NSRP1: variants seen among roughly 807,000 people sequenced by gnomAD.
The protein encoded by NSRP1 is coiled-coil domain containing 55.
NSRP1 carries 24 observed loss-of-function variants against 54.7 expected under a neutral mutation model. That is an observed-to-expected ratio of 0.44 (90% CI 0.32 to 0.62). The LOEUF (loss-of-function observed/expected upper bound fraction) is 0.62. Ranked by LOEUF, NSRP1 falls within the 20% of genes least tolerant of loss-of-function variation. The pLI is 0.06. For missense variants in NSRP1, 596 were observed against 651.2 expected, an observed-to-expected ratio of 0.92 and a Z score of 0.92; for synonymous variants, 210 against 213.8, an observed-to-expected ratio of 0.98 and a Z score of 0.15.
intron 2 of NSRP1, 50 bp downstream of exon 2, chr17:30,118,223 T>A (rs531602823): frequency 2.1e-5 from 30 of 1,450,600 alleles, no homozygotes; most frequent in Non-Finnish European, 2.5e-5. Flanking sequence ...GTAAATTTTT[T>A]AAAAATTGAA....
intron 2 of NSRP1, among the ~76,000 whole-genome samples, chr17:30,134,291 A>G (rs2071728853): frequency 6.6e-6 from 1 of 152,258 alleles, no homozygotes; most frequent in South Asian, 2.1e-4. Flanking sequence ...ATTACAGATC[A>G]TTGTAACATG....
At chr17:30,134,827 C>T (rs1238132202) in intron 2 of NSRP1, among the ~76,000 whole-genome samples, 1 of 152,112 alleles carries the variant, frequency 6.6e-6, no homozygotes, top group Admixed American at 6.5e-5. Flanking sequence ...AGGTTGACTT[C>T]AAAGGGTCAA....
intron 2 of NSRP1, among the ~76,000 whole-genome samples, chr17:30,134,829 A>G (rs2071734278): frequency 6.6e-6 from 1 of 152,210 alleles, no homozygotes; most frequent in Non-Finnish European, 1.5e-5. Context: ...GTTGACTTCA[A>G]AGGGTCAATC....
At chr17:30,167,533 C>T (rs1401397082) in intron 2 of NSRP1, among the ~76,000 whole-genome samples, 7 of 151,850 alleles carry the variant, frequency 4.6e-5, no homozygotes, top group Non-Finnish European at 2.9e-5. Context: ...CTCTTGAACC[C>T]GGGAGGCGGA....
rs187183297 is a variant in NSRP1, at chr17:30,173,350, T to C, written c.171+752T>C. On this transcript the variant is annotated intron_variant, in intron 3 of 6. Coordinates refer to ENST00000247026, the MANE Select transcript of NSRP1 (RefSeq NM_032141.4). The stretch of plus-strand genomic sequence containing the variant: ...GTTCTCACAAACTTGCCCATAGTAC[T>C]GATTAAGAAATCTGAAACTCAAAAA... 1.0e-3 allele frequency among the ~76,000 whole-genome samples: 152 copies of C among 152,344 alleles called. 2 individuals are homozygous for C. The Middle Eastern group carries it at 0.01, about 10-fold the overall frequency.
intron 2 of NSRP1, among the ~76,000 whole-genome samples, chr17:30,171,976 C>CCTCTCTCTCTCTCTCTCTCT (rs58666089): frequency 1.5e-4 from 12 of 80,436 alleles, no homozygotes; most frequent in African/African-American, 3.3e-4. Context: ...ACACACACTC[C>CCTCTCTCTCTCTCTCTCTCT]CTCTCTCTCT....
In NSRP1 at chr17:30,147,654, G is replaced by A. The variant is rs573794170; in HGVS notation, c.115-24888G>A. On this transcript the variant is annotated intron_variant, in intron 2 of 6. Coordinates refer to ENST00000247026, the MANE Select transcript of NSRP1 (RefSeq NM_032141.4). ...AATTTTTTATATTTTTAGTAGAGACGGGGTTTCACCATGTTAGCCATGATG... is the reference window on the plus strand; with the variant it reads ...AATTTTTTATATTTTTAGTAGAGACAGGGTTTCACCATGTTAGCCATGATG... Among the ~76,000 whole-genome samples, 154 of 151,508 alleles carry A rather than the reference G, an allele frequency of 1.0e-3. 2 individuals carry two copies. The Middle Eastern group carries it at 0.01, about 10-fold the overall frequency.
At chr17:30,184,254 G>A (rs1567809026) in intron 6 of NSRP1, among the ~76,000 whole-genome samples, 1 of 152,188 alleles carries the variant, frequency 6.6e-6, no homozygotes, top group Non-Finnish European at 1.5e-5. Context: ...GCTTCATGTT[G>A]TGAAAATAGA....
chr17:30,172,983 A>C (rs1273277244), intron 3 of NSRP1, among the ~76,000 whole-genome samples: 3 of 147,724 alleles, frequency 2.0e-5, no homozygotes, highest in Non-Finnish European at 4.5e-5. Context: ...TTTTTTTTTG[A>C]GATTGAGTCT....
At position 30,123,348 on chromosome 17, in the gene NSRP1, C is replaced by A. The variant is rs370067727; in HGVS notation, c.114+5175C>A. On this transcript the variant is annotated intron_variant, in intron 2 of 6. Coordinates refer to ENST00000247026, the MANE Select transcript of NSRP1 (RefSeq NM_032141.4). ...GGCCAGGCTGGTCTCGAACTCCTGA[C>A]CTTGTGATCTGCCTGCCTCAGCCTT... is the stretch of plus-strand genomic sequence containing the variant. 6.6e-5 allele frequency among the ~76,000 whole-genome samples: 10 copies of A among 152,186 alleles called. No individual in the cohort carries two copies. The East Asian group carries it at 1.5e-3, about 24-fold the overall frequency.
At position 30,116,822 on chromosome 17, in the gene NSRP1, GT is replaced by G; in HGVS notation, c.-20del. On this transcript the variant is annotated 5_prime_UTR_variant, in exon 1 of 7. Coordinates refer to ENST00000247026, the MANE Select transcript of NSRP1 (RefSeq NM_032141.4). The stretch of plus-strand genomic sequence containing the variant: ...TCAGCGTCACGGAGGCGTCGGCCAC[GT>G]TCAGCGGACACGGGAGCAAGATGGC... 6.4e-7 allele frequency: 1 copy of G among 1,570,176 alleles called. No individual in the cohort carries two copies. Among genetic ancestry groups the G allele is most frequent in the Middle Eastern group, 1.7e-4 (1 of 6,022 alleles).
At chr17:30,142,131 G>A (rs776539798) in intron 2 of NSRP1, among the ~76,000 whole-genome samples, 2 of 151,990 alleles carry the variant, frequency 1.3e-5, no homozygotes, top group Admixed American at 6.6e-5. Context: ...TGTGTATCTC[G>A]TCCAACCTTA....
intron 2 of NSRP1, among the ~76,000 whole-genome samples, chr17:30,151,359 C>T (rs1344522343): frequency 2.0e-5 from 3 of 152,138 alleles, no homozygotes; most frequent in African/African-American, 7.2e-5. Flanking sequence ...CAAAACTTAA[C>T]CACCAGTAGC....
intron 2 of NSRP1, among the ~76,000 whole-genome samples, chr17:30,123,764 C>T (rs1183616054): frequency 6.6e-6 from 1 of 151,826 alleles, no homozygotes; most frequent in African/African-American, 2.4e-5. Context: ...GGTTCAACTT[C>T]ATTCATTTGC....
At chr17:30,145,007 G>A (rs1196784627) in intron 2 of NSRP1, among the ~76,000 whole-genome samples, 1 of 152,022 alleles carries the variant, frequency 6.6e-6, no homozygotes, top group African/African-American at 2.4e-5. Flanking sequence ...ATATGATTTT[G>A]TAAACATAAA....
chr17:30,153,040 C>G (rs2071928746), intron 2 of NSRP1, among the ~76,000 whole-genome samples: 1 of 150,776 alleles, frequency 6.6e-6, no homozygotes, highest in South Asian at 2.1e-4. Flanking sequence ...CACCTCTCCT[C>G]AGTAGCTGGG....
intron 2 of NSRP1, among the ~76,000 whole-genome samples, chr17:30,151,226 G>A (rs779390529): frequency 1.3e-5 from 2 of 152,052 alleles, no homozygotes; most frequent in African/African-American, 4.8e-5. Context: ...TTGTTGAATT[G>A]TAGGAATTCT....
At chr17:30,180,835 A>G in intron 5 of NSRP1, 73 bp from the exon 6 acceptor site, 1 of 954,372 alleles carries the variant, frequency 1.0e-6, no homozygotes, top group Non-Finnish European at 1.7e-6. Context: ...TATGTTATAT[A>G]CTGTATGTCT....
intron 2 of NSRP1, among the ~76,000 whole-genome samples, chr17:30,159,771 G>A (rs191840715): frequency 2.6e-5 from 4 of 152,158 alleles, no homozygotes; most frequent in Admixed American, 2.6e-4. Context: ...TGACTCTCCT[G>A]CCTCAGCCTC....
Sources: gnomAD v4.1 joint callset for allele counts (sites outside exome capture counted in the v4.1 genomes callset) on GRCh38, gnomAD v4.1.1 for gene constraint, MANE v1.5 for transcripts, NCBI Gene and HGNC (gene_info 2026-07-23, HGNC 2026-07-21) for gene names.